G3BP2: variants seen among roughly 807,000 people sequenced by gnomAD.
G3BP2 encodes G3BP stress granule assembly factor 2.
G3BP2 carries 11 observed loss-of-function variants against 56.7 expected under a neutral mutation model. The observed-to-expected ratio is 0.19, with a 90% confidence interval of 0.12 to 0.32. The LOEUF (loss-of-function observed/expected upper bound fraction) is 0.32, where lower values mean the gene tolerates loss of function less well. Among genes scored for constraint, G3BP2 ranks in the 10% least tolerant of loss-of-function variants. The pLI is 1.00. For missense variants in G3BP2, 340 were observed against 610.9 expected (o/e 0.56, Z 4.67); for synonymous variants, 165 against 191.6 (o/e 0.86, Z 1.15).
At chr4:75,722,699 T>C (rs1182257480) in intron 1 of G3BP2, among the ~76,000 whole-genome samples, 2 of 152,194 alleles carry the variant, frequency 1.3e-5, no homozygotes, top group East Asian at 3.8e-4. Flanking sequence ...GTCAAGTGTA[T>C]AGCTTTAAAG....
At chr4:75,702,408 G>A (rs1185135692) in intron 3 of G3BP2, among the ~76,000 whole-genome samples, 1 of 152,154 alleles carries the variant, frequency 6.6e-6, no homozygotes, top group Non-Finnish European at 1.5e-5. Flanking sequence ...CTCCCAAAGT[G>A]CTGGGATTAC....
chr4:75,674,721 T>A (rs1169938136), upstream of G3BP2, among the ~76,000 whole-genome samples: 8,061 of 59,780 alleles, frequency 0.13, 517 homozygotes, highest in East Asian at 0.29. Flanking sequence ...TATATATATT[T>A]TTTTTTTTTT....
intron 3 of G3BP2, among the ~76,000 whole-genome samples, chr4:75,711,000 T>C (rs189385287): frequency 1.2e-3 from 182 of 152,160 alleles, no homozygotes; most frequent in Non-Finnish European, 1.8e-3. Context: ...TTTCTCACCA[T>C]TCCTATTCAA....
rs193018509 is a variant in G3BP2, at chr4:75,651,389, A to C, written c.825+2594T>G. ...CGAGTAACTACAAGTAGCAAAATAA[A>C]GTTCTTCCTTATTCTTTAAGGATGA... On this transcript the variant is annotated intron_variant, in intron 8 of 11. Transcript: ENST00000359707. Among the ~76,000 whole-genome samples the C allele has an allele frequency of 2.0e-5, 3 of 152,354 alleles. No homozygotes were observed. In the East Asian group the frequency reaches 5.8e-4, roughly 29 times the overall value.
intron 1 of G3BP2, among the ~76,000 whole-genome samples, chr4:75,672,237 T>TG (rs1333923557): frequency 3.3e-5 from 5 of 152,214 alleles, no homozygotes; most frequent in African/African-American, 1.2e-4. Flanking sequence ...AAGTATGTCT[T>TG]GGGGAAAAAA....
At chr4:75,662,139 A>G in intron 1 of G3BP2, 90 bp from the exon 2 acceptor site, 1 of 719,018 alleles carries the variant, frequency 1.4e-6, no homozygotes, top group Non-Finnish European at 2.4e-6. Context: ...CAAATTTAGC[A>G]GTGGGGAGTT....
At chr4:75,653,905 C>T (rs1209616072) in intron 8 of G3BP2, 78 bp downstream of exon 8, 2 of 698,850 alleles carry the variant, frequency 2.9e-6, no homozygotes, top group Admixed American at 2.3e-5. Flanking sequence ...CTGATTGACT[C>T]ATTTTTAAAA....
intron 1 of G3BP2, among the ~76,000 whole-genome samples, chr4:75,670,956 A>G (rs1182358843): frequency 6.6e-6 from 1 of 152,236 alleles, no homozygotes; most frequent in Non-Finnish European, 1.5e-5. Flanking sequence ...ATACAGCAGG[A>G]CAGCAACAGA....
rs1420924632 is a variant in G3BP2, at chr4:75,644,757, T to G, written c.*673A>C. ...TGAAGTTCTAATTTTTATTATTTAG[T>G]TCATAACTAAAATGATTTCCTTCTG... On this transcript the variant is annotated 3_prime_UTR_variant, in exon 12 of 12. Transcript: ENST00000359707. 6.6e-6 allele frequency: 1 copy of G among 152,658 alleles called. No individual in the cohort carries two copies. Among genetic ancestry groups the G allele is most frequent in the African/African-American group, 2.4e-5 (1 of 41,470 alleles). The allele number at this position is 152,658 out of a possible 1,614,324, so 9.5% of individuals were successfully genotyped here. A position where few individuals can be genotyped will look rare whatever the true frequency, so the allele number is the denominator to read the frequency against.
At chr4:75,679,774 T>C (rs1225919209) in intron 3 of G3BP2, among the ~76,000 whole-genome samples, 3 of 152,154 alleles carry the variant, frequency 2.0e-5, no homozygotes, top group Non-Finnish European at 4.4e-5. Context: ...CACCCTGAAT[T>C]TGTGAATTCT....
chr4:75,685,891 G>A (rs1718578313), intron 3 of G3BP2, among the ~76,000 whole-genome samples: 1 of 152,180 alleles, frequency 6.6e-6, no homozygotes, highest in South Asian at 2.1e-4. Context: ...ACAAGGAACT[G>A]CCCTTTGAAA....
chr4:75,660,034 T>C (rs2148993545), intron 2 of G3BP2, among the ~76,000 whole-genome samples: 1 of 152,324 alleles, frequency 6.6e-6, no homozygotes, highest in African/African-American at 2.4e-5. Context: ...GGATATTCAT[T>C]AGTGTTGCTT....
chr4:75,654,450 G>A (rs1414638931), intron 7 of G3BP2, among the ~76,000 whole-genome samples: 2 of 152,222 alleles, frequency 1.3e-5, no homozygotes, highest in Non-Finnish European at 2.9e-5. Flanking sequence ...GTTAACGGGA[G>A]AGGGAAGGAT....
chr4:75,707,060 C>T (rs1015683432), intron 3 of G3BP2, among the ~76,000 whole-genome samples: 9 of 151,150 alleles, frequency 6.0e-5, no homozygotes, highest in Admixed American at 6.6e-5. Flanking sequence ...GGCGTGGTGG[C>T]GCATGCCTGT....
At chr4:75,693,519 G>A (rs1343148775) in intron 3 of G3BP2, among the ~76,000 whole-genome samples, 8 of 151,584 alleles carry the variant, frequency 5.3e-5, no homozygotes, top group Non-Finnish European at 1.0e-4. Context: ...TGCCAGGCGC[G>A]GTAGCTCATG....
upstream of G3BP2, among the ~76,000 whole-genome samples, chr4:75,677,467 A>G (rs1733921836): frequency 6.6e-6 from 1 of 152,140 alleles, no homozygotes; most frequent in Admixed American, 6.6e-5. Context: ...GCTACTGGGG[A>G]GGCTGAGGCA....
upstream of G3BP2, among the ~76,000 whole-genome samples, chr4:75,677,672 G>A (rs779529706): frequency 6.6e-5 from 10 of 152,192 alleles, no homozygotes; most frequent in Non-Finnish European, 1.2e-4. Flanking sequence ...TTGGAAGGGA[G>A]TAAAATCCAA....
At chr4:75,704,782 G>A (rs140970444) in intron 3 of G3BP2, among the ~76,000 whole-genome samples, 4 of 152,148 alleles carry the variant, frequency 2.6e-5, no homozygotes, top group African/African-American at 9.6e-5. Flanking sequence ...ACAGTTGTGT[G>A]TCATCATGCC....
chr4:75,675,420 A>G (rs183961675), upstream of G3BP2, among the ~76,000 whole-genome samples: 1 of 152,324 alleles, frequency 6.6e-6, no homozygotes, highest in East Asian at 1.9e-4. Context: ...TTCTGATTCA[A>G]CAGAGGCCCG....
Sources: gnomAD v4.1 joint callset for allele counts (sites outside exome capture counted in the v4.1 genomes callset) on GRCh38, gnomAD v4.1.1 for gene constraint, MANE v1.5 for transcripts, NCBI Gene and HGNC (gene_info 2026-07-23, HGNC 2026-07-21) for gene names.